The following VPS53 variants were observed in gnomAD, a reference collection of about 807,000 sequenced individuals.
VPS53 encodes the protein VPS53 subunit of GARP complex, also known as vacuolar protein sorting-associated protein 53 homolog.
Under a neutral mutation model 107.0 loss-of-function variants are expected in VPS53, and 70 were observed. The ratio of observed to expected loss-of-function variants is 0.65; its 90% confidence interval spans 0.54 to 0.80. The LOEUF (loss-of-function observed/expected upper bound fraction) is 0.80. Among genes scored for constraint, VPS53 ranks in the 30% least tolerant of loss-of-function variants. The pLI is 0.00. For missense variants in VPS53, 917 were observed against 1,049.4 expected, an observed-to-expected ratio of 0.87 and a Z score of 1.74; for synonymous variants, 409 against 393.3, an observed-to-expected ratio of 1.04 and a Z score of -0.47.
intron 12 of VPS53, among the ~76,000 whole-genome samples, chr17:599,339 A>G (rs1275635500): frequency 6.6e-6 from 1 of 152,190 alleles, no homozygotes; most frequent in Non-Finnish European, 1.5e-5. Flanking sequence ...AGATTGAGAA[A>G]TCGGATGGTT....
intron 4 of VPS53, among the ~76,000 whole-genome samples, chr17:680,192 G>T (rs1972333362): frequency 1.3e-5 from 2 of 152,276 alleles, no homozygotes; most frequent in South Asian, 4.2e-4. Flanking sequence ...TACTCGGGAG[G>T]CTGAGGCAGG....
chr17:696,836 A>G (rs923240959), intron 4 of VPS53, among the ~76,000 whole-genome samples: 5 of 124,838 alleles, frequency 4.0e-5, no homozygotes, highest in Non-Finnish European at 6.3e-5. Flanking sequence ...CCTGTCGTCC[A>G]TGCTGGAGTG....
chr17:662,896 AGGCAGGC>A (rs1567720392), intron 4 of VPS53, among the ~76,000 whole-genome samples: 20 of 112,748 alleles, frequency 1.8e-4, no homozygotes, highest in African/African-American at 6.0e-4. Context: ...GAAGGAAGGC[AGGCAGGC>A]AGGCAGGCAG....
intron 4 of VPS53, among the ~76,000 whole-genome samples, chr17:694,025 C>T (rs1033239804): frequency 6.6e-6 from 1 of 151,982 alleles, no homozygotes; most frequent in Non-Finnish European, 1.5e-5. Context: ...GGCTGGAGAG[C>T]AAGGCTTTCA....
At chr17:576,207 T>C (rs1489741783) in intron 13 of VPS53, among the ~76,000 whole-genome samples, 4 of 149,934 alleles carry the variant, frequency 2.7e-5, no homozygotes, top group Admixed American at 1.3e-4. Context: ...ACCTAAATGG[T>C]TCCCAGAGAA....
chr17:543,809 A>AAGGAAGGAAGGG (rs1910897355), intron 17 of VPS53, among the ~76,000 whole-genome samples: 1 of 58,996 alleles, frequency 1.7e-5, no homozygotes, highest in Non-Finnish European at 2.9e-5. Context: ...GGAAGGAAGG[A>AAGGAAGGAAGGG]AGGAAGGGAG....
At chr17:536,522 G>A (rs1910077322) in intron 18 of VPS53, 1 of 155,440 alleles carries the variant, frequency 6.4e-6, no homozygotes, top group South Asian at 1.9e-4. Context: ...ATTTTTGTTT[G>A]CCTTGACGTG....
chr17:596,566 G>A (rs1488191295), intron 12 of VPS53, among the ~76,000 whole-genome samples: 3 of 152,172 alleles, frequency 2.0e-5, no homozygotes, highest in Non-Finnish European at 4.4e-5. Context: ...CACAGCACCC[G>A]GGTCCTCTTG....
intron 12 of VPS53, among the ~76,000 whole-genome samples, chr17:599,304 T>C (rs1033458920): frequency 1.3e-5 from 2 of 152,140 alleles, no homozygotes; most frequent in African/African-American, 2.4e-5. Context: ...CTTTGTGGAA[T>C]AGAAAGTGGG....
At chr17:608,607 C>CTTT (rs1455580757) in intron 11 of VPS53, among the ~76,000 whole-genome samples, 1 of 147,110 alleles carries the variant, frequency 6.8e-6, no homozygotes, top group Non-Finnish European at 1.5e-5. Context: ...CTGCTTTTTT[C>CTTT]TTTTCTTTTC....
At chr17:688,672 G>A (rs143527720) in intron 4 of VPS53, among the ~76,000 whole-genome samples, 263 of 152,208 alleles carry the variant, frequency 1.7e-3, no homozygotes, top group African/African-American at 6.1e-3. Flanking sequence ...TAGCACTCTA[G>A]AAGCAGGCAA....
intron 13 of VPS53, among the ~76,000 whole-genome samples, chr17:581,553 C>T (rs898209126): frequency 2.6e-5 from 4 of 151,940 alleles, no homozygotes; most frequent in African/African-American, 9.7e-5. Context: ...TGAATGCATT[C>T]CCAGAGAACT....
chr17:674,373 A>G (rs1227481106), intron 4 of VPS53: 1 of 152,198 alleles, frequency 6.6e-6, no homozygotes, highest in East Asian at 1.9e-4. Context: ...TCTCATCTAT[A>G]TCGTAAGTCT....
At chr17:542,960 AGAGC>A (rs1156802181) in intron 17 of VPS53, among the ~76,000 whole-genome samples, 13 of 150,128 alleles carry the variant, frequency 8.7e-5, no homozygotes, top group African/African-American at 3.0e-4. Context: ...CCTGCCGGAT[AGAGC>A]GAGACTCTGT....
intron 4 of VPS53, among the ~76,000 whole-genome samples, chr17:670,175 A>G (rs921357835): frequency 1.3e-5 from 2 of 151,746 alleles, no homozygotes; most frequent in African/African-American, 4.9e-5. Context: ...ATCTGCCCCT[A>G]CTGGAGTTTC....
chr17:628,832 T>C (rs1036739088), intron 8 of VPS53, among the ~76,000 whole-genome samples: 2 of 152,242 alleles, frequency 1.3e-5, no homozygotes, highest in East Asian at 1.9e-4. Context: ...ACTGGCCTCC[T>C]GACCTGAGCG....
rs147290059 is a variant in VPS53 at position 682,285 on chromosome 17, G to C, written c.285+15133C>G. On this transcript the variant is annotated intron_variant, in intron 4 of 21. Transcript: ENST00000437048. ...TACTATATGCTGCATGAAACCCGCT[G>C]ATCAGCTGTGCTTCTGCCGAGGATG... 1.6e-3 allele frequency among the ~76,000 whole-genome samples: 241 copies of C among 152,292 alleles called. 1 individual carries two copies. Among genetic ancestry groups the C allele is most frequent in the African/African-American group, 4.9e-3 (203 of 41,562 alleles).
chr17:598,516 G>A (rs1276092426), intron 12 of VPS53, among the ~76,000 whole-genome samples: 6 of 151,510 alleles, frequency 4.0e-5, no homozygotes, highest in Non-Finnish European at 7.4e-5. Flanking sequence ...AGGAAGTGAG[G>A]AGCACCTCTT....
intron 11 of VPS53, among the ~76,000 whole-genome samples, chr17:605,566 C>T (rs1402023851): frequency 8.0e-6 from 1 of 125,280 alleles, no homozygotes; most frequent in South Asian, 2.8e-4. Context: ...GGCGGGAGTC[C>T]CATCATATTG....
Sources: gnomAD v4.1 joint callset for allele counts (sites outside exome capture counted in the v4.1 genomes callset) on GRCh38, gnomAD v4.1.1 for gene constraint, MANE v1.5 for transcripts, NCBI Gene and HGNC (gene_info 2026-07-23, HGNC 2026-07-21) for gene names.